Variants in ADAMTS3 observed in about 807,000 individuals in gnomAD.
ADAMTS3 encodes the protein ADAM metallopeptidase with thrombospondin type 1 motif 3.
A neutral mutation model predicts 129.0 loss-of-function variants in ADAMTS3; 73 were observed. That is an observed-to-expected ratio of 0.57 (90% CI 0.47 to 0.69). The LOEUF (loss-of-function observed/expected upper bound fraction) is 0.69. Among genes scored for constraint, ADAMTS3 ranks in the 30% least tolerant of loss-of-function variants. The probability of loss-of-function intolerance (pLI) is 0.00; values close to 1 mark genes in which losing one functional copy is unlikely to be tolerated. For synonymous variants in ADAMTS3, 477 were observed against 510.8 expected, an observed-to-expected ratio of 0.93 and a Z score of 0.89; for missense variants, 1,457 against 1,514.5, an observed-to-expected ratio of 0.96 and a Z score of 0.63.
At chr4:72,491,084 G>A (rs762482214) in intron 3 of ADAMTS3, among the ~76,000 whole-genome samples, 8 of 151,658 alleles carry the variant, frequency 5.3e-5, no homozygotes, top group East Asian at 1.9e-4. Flanking sequence ...TTGACATTAC[G>A]AATGAGATTG....
At chr4:72,356,563 T>C (rs756141220) in intron 4 of ADAMTS3, among the ~76,000 whole-genome samples, 182 of 151,942 alleles carry the variant, frequency 1.2e-3, no homozygotes, top group Non-Finnish European at 1.8e-3. Flanking sequence ...AACAAGGCTA[T>C]AAAATAAAAT....
intron 3 of ADAMTS3, among the ~76,000 whole-genome samples, chr4:72,501,116 G>A (rs1413978485): frequency 6.6e-6 from 1 of 152,032 alleles, no homozygotes; most frequent in Non-Finnish European, 1.5e-5. Context: ...GTTTCTATAT[G>A]AATTTTAAAA....
chr4:72,313,047 C>T (rs1369769146), intron 12 of ADAMTS3, among the ~76,000 whole-genome samples: 2 of 152,120 alleles, frequency 1.3e-5, no homozygotes, highest in Admixed American at 6.6e-5. Flanking sequence ...TTACAAAAGA[C>T]GTGCTCAGAG....
At chr4:72,514,472 G>A (rs561689853) in intron 3 of ADAMTS3, among the ~76,000 whole-genome samples, 2 of 152,242 alleles carry the variant, frequency 1.3e-5, no homozygotes, top group Non-Finnish European at 2.9e-5. Context: ...ACCAAATCAA[G>A]CTAAGAATAG....
chr4:72,528,802 C>A (rs533726673), intron 3 of ADAMTS3, among the ~76,000 whole-genome samples: 4 of 152,206 alleles, frequency 2.6e-5, no homozygotes, highest in African/African-American at 4.8e-5. Flanking sequence ...ATTCTCCATT[C>A]CAAAATCCAT....
chr4:72,367,680 C>G (rs1201508206), intron 4 of ADAMTS3, among the ~76,000 whole-genome samples: 1 of 152,080 alleles, frequency 6.6e-6, no homozygotes, highest in Non-Finnish European at 1.5e-5. Flanking sequence ...GAAACCCTGT[C>G]TCTCCTAAAA....
At chr4:72,479,174 A>G (rs1719346083) in intron 3 of ADAMTS3, among the ~76,000 whole-genome samples, 1 of 152,180 alleles carries the variant, frequency 6.6e-6, no homozygotes. Flanking sequence ...GACTTTCTTC[A>G]CAGAATTGGA....
At chr4:72,559,857 T>C (rs1364596433) in intron 2 of ADAMTS3, among the ~76,000 whole-genome samples, 2 of 151,730 alleles carry the variant, frequency 1.3e-5, no homozygotes, top group East Asian at 3.8e-4. Context: ...AAAATTCATA[T>C]GGAACCAAAA....
chr4:72,293,215 TA>T (rs1241292268), intron 19 of ADAMTS3, among the ~76,000 whole-genome samples: 1 of 152,154 alleles, frequency 6.6e-6, no homozygotes, highest in Non-Finnish European at 1.5e-5. Flanking sequence ...TTAGAGGCCT[TA>T]GATTCAGTGT....
intron 18 of ADAMTS3, among the ~76,000 whole-genome samples, chr4:72,296,700 T>C (rs956063585): frequency 6.6e-6 from 1 of 152,140 alleles, no homozygotes; most frequent in Non-Finnish European, 1.5e-5. Context: ...TTCTCTTATA[T>C]AACTATAATA....
chr4:72,323,094 T>G lies in ADAMTS3; in HGVS notation c.865A>C (p.Asn289His), dbSNP rs1719602928. ...AGGGACTCATCATGGTAAATTTCAT[T>G]CACCTAGCAACAAAAAAAGATAATT... is the stretch of plus-strand genomic sequence containing the variant. The part of the protein sequence containing the change: ...NYLLTLMNIV[N>H]EIYHDESLGV... The change falls in exon 6 of 22, where the codon AAT (asparagine) becomes CAT (histidine). Residue 289 changes from asparagine (N) to histidine (H), a missense_variant. Asn to His is a moderately conservative substitution (Grantham distance 68, BLOSUM62 1). Transcript: ENST00000286657. 8 of 1,612,096 alleles carry G rather than the reference T, an allele frequency of 5.0e-6. No individual in the cohort carries two copies. The East Asian group carries it at 1.6e-4, about 31-fold the overall frequency.
intron 3 of ADAMTS3, among the ~76,000 whole-genome samples, chr4:72,439,914 AT>A (rs1378851972): frequency 7.3e-5 from 11 of 151,684 alleles, no homozygotes; most frequent in African/African-American, 2.7e-4. Context: ...TTATTTTTGT[AT>A]TTTTTTCACT....
chr4:72,548,445 G>A (rs1721522228), intron 3 of ADAMTS3, 33 bp downstream of exon 3: 2 of 1,596,238 alleles, frequency 1.3e-6, no homozygotes, highest in African/African-American at 1.3e-5. Context: ...CCCAGCACCT[G>A]CAAACATACG....
chr4:72,361,031 C>A (rs775885164), intron 4 of ADAMTS3, among the ~76,000 whole-genome samples: 7 of 152,154 alleles, frequency 4.6e-5, no homozygotes, highest in Non-Finnish European at 1.0e-4. Context: ...TCGGAATGAG[C>A]AGATTCTGGC....
chr4:72,382,270 G>T (rs1237090546), intron 4 of ADAMTS3, among the ~76,000 whole-genome samples: 1 of 149,658 alleles, frequency 6.7e-6, no homozygotes, highest in African/African-American at 2.5e-5. Context: ...TAGTAGTCAT[G>T]GATATAATTA....
intron 3 of ADAMTS3, among the ~76,000 whole-genome samples, chr4:72,442,493 GA>G (rs749197853): frequency 1.3e-5 from 2 of 151,620 alleles, no homozygotes; most frequent in Non-Finnish European, 3.0e-5. Context: ...AAGGCAGGAG[GA>G]AGGTGCCAGG....
intron 3 of ADAMTS3, among the ~76,000 whole-genome samples, chr4:72,515,151 C>A (rs965183669): frequency 6.6e-6 from 1 of 152,180 alleles, no homozygotes; most frequent in African/African-American, 2.4e-5. Flanking sequence ...CATGTCCCTA[C>A]AAAGGACATG....
chr4:72,476,615 G>A (rs558672737), intron 3 of ADAMTS3, among the ~76,000 whole-genome samples: 103 of 152,030 alleles, frequency 6.8e-4, no homozygotes, highest in South Asian at 1.0e-3. Flanking sequence ...ATTAATTTAC[G>A]AAGCTAAAAT....
chr4:72,399,749 G>T (rs1393957017), intron 4 of ADAMTS3, among the ~76,000 whole-genome samples: 1 of 143,738 alleles, frequency 7.0e-6, no homozygotes, highest in Non-Finnish European at 1.5e-5. Flanking sequence ...CGGTGTGTAC[G>T]CATATGTGTG....
Sources: allele counts gnomAD v4.1 joint callset (sites outside exome capture counted in the v4.1 genomes callset), GRCh38; gene constraint gnomAD v4.1.1; transcripts MANE v1.5; gene names NCBI Gene and HGNC (gene_info 2026-07-23, HGNC 2026-07-21).